ZBBX: variants seen among roughly 807,000 people sequenced by gnomAD.
ZBBX encodes the protein zinc finger B-box domain containing.
Under a neutral mutation model 108.5 loss-of-function variants are expected in ZBBX, and 101 were observed. The ratio of observed to expected loss-of-function variants is 0.93; its 90% CI spans 0.79 to 1.10. The LOEUF is 1.10. Ranked by LOEUF, ZBBX falls within the 50% of genes least tolerant of loss-of-function variation. ZBBX has a pLI of 0.00. For missense variants in ZBBX, 1,009 were observed against 941.4 expected (o/e 1.07, Z -0.94); for synonymous variants, 356 against 323.4 (o/e 1.10, Z -1.08).
At chr3:167,279,669 T>C (rs1728394503) in intron 20 of ZBBX, among the ~76,000 whole-genome samples, 1 of 152,044 alleles carries the variant, frequency 6.6e-6, no homozygotes, top group Non-Finnish European at 1.5e-5. Context: ...ATGGCCATAC[T>C]GCCCAAGGTA....
chr3:167,256,752 A>T (rs1723597790), intron 20 of ZBBX, among the ~76,000 whole-genome samples: 1 of 152,098 alleles, frequency 6.6e-6, no homozygotes, highest in African/African-American at 2.4e-5. Context: ...AGCTTATTTA[A>T]CTTAATGTAA....
chr3:167,241,102 A>G (rs1576748185), intron 21 of ZBBX, among the ~76,000 whole-genome samples, 183 bp from the exon 22 acceptor site: 1 of 152,128 alleles, frequency 6.6e-6, no homozygotes, highest in African/African-American at 2.4e-5. Context: ...TTAATGAGAA[A>G]TTCTCATCAT....
chr3:167,406,713 A>G (rs1454769078), intron 1 of ZBBX, among the ~76,000 whole-genome samples: 1 of 152,232 alleles, frequency 6.6e-6, no homozygotes, highest in Non-Finnish European at 1.5e-5. Context: ...TACAATTCAA[A>G]TTTGATCGCA....
At chr3:167,339,130 GT>G (rs530380823) in intron 9 of ZBBX, among the ~76,000 whole-genome samples, 1 of 151,888 alleles carries the variant, frequency 6.6e-6, no homozygotes, top group Admixed American at 6.6e-5. Flanking sequence ...GATTCTTAAG[GT>G]TTTTTTCCCA....
intron 20 of ZBBX, among the ~76,000 whole-genome samples, chr3:167,252,388 T>C (rs916463406): frequency 8.5e-5 from 13 of 152,198 alleles, no homozygotes; most frequent in Admixed American, 6.5e-4. Flanking sequence ...GTGAATGGAA[T>C]TGTTCTGCTC....
chr3:167,348,356 G>GAAAGAAAGAGAAAGAA (rs1553832875), intron 9 of ZBBX, among the ~76,000 whole-genome samples: 3 of 115,016 alleles, frequency 2.6e-5, no homozygotes, highest in Non-Finnish European at 5.2e-5. Context: ...AAGAAAGAAA[G>GAAAGAAAGAGAAAGAA]AAAGAAAGAA....
At chr3:167,218,946 T>C in the ZBBX span, among the ~76,000 whole-genome samples, 2 of 151,394 alleles carry the variant, frequency 1.3e-5, no homozygotes, top group Non-Finnish European at 2.9e-5. Context: ...AGATATTACA[T>C]ACAAACAGAA....
chr3:167,273,559 C>T (rs924642574), intron 20 of ZBBX, among the ~76,000 whole-genome samples: 1 of 152,110 alleles, frequency 6.6e-6, no homozygotes, highest in African/African-American at 2.4e-5. Context: ...TGTTCCTTGG[C>T]AGCTTAGCAG....
chr3:167,289,762 T>C (rs1456969993), intron 18 of ZBBX, among the ~76,000 whole-genome samples: 1 of 151,558 alleles, frequency 6.6e-6, no homozygotes, highest in South Asian at 2.1e-4. Context: ...GCCAGGGGGG[T>C]GAAGCCAGGG....
intron 17 of ZBBX, among the ~76,000 whole-genome samples, chr3:167,305,236 A>G (rs1005133411): frequency 1.3e-4 from 20 of 152,078 alleles, no homozygotes; most frequent in Non-Finnish European, 5.9e-5. Flanking sequence ...ACATTAAACC[A>G]CAGTAACTGG....
chr3:167,405,925 G>A (rs1034508410), intron 1 of ZBBX, among the ~76,000 whole-genome samples: 12 of 152,176 alleles, frequency 7.9e-5, no homozygotes, highest in Admixed American at 5.2e-4. Context: ...CAAAACCCTG[G>A]GGTGGTGGCA....
chr3:167,307,281 G>A (rs1196402994), intron 16 of ZBBX, among the ~76,000 whole-genome samples: 2 of 152,106 alleles, frequency 1.3e-5, no homozygotes. Context: ...AGGGCAACCA[G>A]GAAAGAGAAA....
chr3:167,277,369 ACACACATAGG>A (rs1402944931), intron 20 of ZBBX, among the ~76,000 whole-genome samples: 1 of 152,230 alleles, frequency 6.6e-6, no homozygotes, highest in Admixed American at 6.5e-5. Flanking sequence ...ACGTGCAGAG[ACACACATAGG>A]CTCAAAATAA....
chr3:167,213,908 A>G, the ZBBX span, among the ~76,000 whole-genome samples: 29 of 152,298 alleles, frequency 1.9e-4, no homozygotes, highest in South Asian at 5.6e-3. Flanking sequence ...AAAATCTTCA[A>G]CCAAGAATCT....
chr3:167,355,202 T>C (rs562483563), intron 8 of ZBBX, among the ~76,000 whole-genome samples: 11 of 152,112 alleles, frequency 7.2e-5, no homozygotes, highest in African/African-American at 2.6e-4. Context: ...TTGGGCTTCG[T>C]CTTTGCCATC....
intron 11 of ZBBX, among the ~76,000 whole-genome samples, chr3:167,322,650 T>C (rs1177088365): frequency 6.6e-6 from 1 of 152,088 alleles, no homozygotes; most frequent in Non-Finnish European, 1.5e-5. Context: ...CATAATGACA[T>C]CTGGAGGAGA....
the ZBBX span, among the ~76,000 whole-genome samples, chr3:167,201,591 A>C: frequency 6.6e-6 from 1 of 152,176 alleles, no homozygotes; most frequent in Non-Finnish European, 1.5e-5. Flanking sequence ...TAAACAAATC[A>C]GAAACTCATC....
chr3:167,313,377 G>A (rs1055693976), intron 16 of ZBBX, among the ~76,000 whole-genome samples: 19 of 152,104 alleles, frequency 1.2e-4, no homozygotes, highest in Admixed American at 1.2e-3. Context: ...CTGGGCTCAA[G>A]CGATTCTCCT....
At chr3:167,266,440 G>A (rs1309028868) in intron 20 of ZBBX, among the ~76,000 whole-genome samples, 2 of 152,066 alleles carry the variant, frequency 1.3e-5, no homozygotes, top group African/African-American at 4.8e-5. Flanking sequence ...CTTCCCGTCA[G>A]TTCTAATCAA....
Sources: gnomAD v4.1 joint callset for allele counts (sites outside exome capture counted in the v4.1 genomes callset) on GRCh38, gnomAD v4.1.1 for gene constraint, MANE v1.5 for transcripts, NCBI Gene and HGNC (gene_info 2026-07-23, HGNC 2026-07-21) for gene names.